Variants in ABCA12 observed in about 807,000 individuals in gnomAD.
The protein encoded by ABCA12 is glucosylceramide transporter ABCA12.
A neutral mutation model predicts 293.5 loss-of-function variants in ABCA12; 156 were observed. The observed-to-expected ratio is 0.53, with a 90% CI of 0.47 to 0.61. The LOEUF is 0.61. Among genes scored for constraint, ABCA12 ranks in the 20% least tolerant of loss-of-function variants. The pLI is 0.00. For synonymous variants in ABCA12, 1,063 were observed against 1,108.0 expected (o/e 0.96, Z 0.81); for missense variants, 2,797 against 3,090.2 (o/e 0.91, Z 2.25).
At chr2:215,056,716 T>TA (rs1311151718) in intron 3 of ABCA12, among the ~76,000 whole-genome samples, 1 of 152,048 alleles carries the variant, frequency 6.6e-6, no homozygotes, top group Non-Finnish European at 1.5e-5. Context: ...AGTATGTGCA[T>TA]AAAAAGATGA....
In ABCA12 at chr2:215,042,811, A is replaced by G. The variant is rs181412177; in HGVS notation, c.872+3026T>C. ...CAGTAAAATTTATTCCTCCTATCTA[A>G]TTGTAACTTTCTACCCCTTGATCAA... On this transcript the variant is annotated intron_variant, in intron 7 of 52. Coordinates refer to ENST00000272895, the MANE Select transcript of ABCA12 (RefSeq NM_173076.3). Among the ~76,000 whole-genome samples, 169 of 152,156 alleles carry G rather than the reference A, an allele frequency of 1.1e-3. 1 individual carries two copies. The highest frequency in any genetic ancestry group is 3.9e-3 in the African/African-American group (162 of 41,520).
intron 44 of ABCA12, among the ~76,000 whole-genome samples, chr2:214,952,040 T>C (rs966394305): frequency 2.0e-5 from 3 of 151,400 alleles, no homozygotes; most frequent in African/African-American, 7.3e-5. Context: ...CACCTTGATA[T>C]ATTGGCTAAC....
chr2:215,055,676 G>C (rs1701406301), intron 3 of ABCA12, among the ~76,000 whole-genome samples: 2 of 150,414 alleles, frequency 1.3e-5, no homozygotes, highest in Admixed American at 6.7e-5. Flanking sequence ...CTGAATCCTA[G>C]TTCCAGGGTA....
intron 38 of ABCA12, among the ~76,000 whole-genome samples, chr2:214,967,414 C>T (rs1356779007): frequency 6.6e-6 from 1 of 152,106 alleles, no homozygotes; most frequent in African/African-American, 2.4e-5. Flanking sequence ...TGACATTCCT[C>T]CACTAATTTT....
intron 6 of ABCA12, among the ~76,000 whole-genome samples, chr2:215,048,764 C>T (rs1559166271): frequency 2.0e-5 from 3 of 152,078 alleles, no homozygotes; most frequent in Admixed American, 6.6e-5. Flanking sequence ...AAATGCCCAT[C>T]AATGGCAGAT....
chr2:215,129,471 T>A (rs1703003570), intron 1 of ABCA12, among the ~76,000 whole-genome samples: 1 of 152,234 alleles, frequency 6.6e-6, no homozygotes. Flanking sequence ...TACATTTCTC[T>A]TATGATTCAT....
chr2:215,106,236 TCATAACAACTTGCATGGATCC>T (rs1415344806), intron 2 of ABCA12, among the ~76,000 whole-genome samples: 7 of 152,072 alleles, frequency 4.6e-5, no homozygotes, highest in Admixed American at 1.3e-4. Flanking sequence ...GGCGCTGGAG[TCATAACAACTTGCATGGATCC>T]CACAAACCAC....
chr2:215,038,162 G>C (rs899448647), intron 7 of ABCA12, among the ~76,000 whole-genome samples: 1 of 151,894 alleles, frequency 6.6e-6, no homozygotes, highest in African/African-American at 2.4e-5. Context: ...TATAAAATAA[G>C]GATATACATG....
chr2:215,096,673 C>T (rs1702255568), intron 2 of ABCA12, among the ~76,000 whole-genome samples: 1 of 152,126 alleles, frequency 6.6e-6, no homozygotes, highest in Non-Finnish European at 1.5e-5. Context: ...CATTAGAGTA[C>T]CCACTACTTT....
Position 214,978,862 on chromosome 2 carries a change from T to C in ABCA12, c.4919A>G (p.Asn1640Ser), listed in dbSNP as rs1358455923. The C allele has an allele frequency of 1.9e-6, 3 of 1,614,034 alleles. No individual in the cohort carries two copies. Among genetic ancestry groups the C allele is most frequent in the South Asian group, 1.1e-5 (1 of 91,076 alleles). The change falls in exon 32 of 53, where the codon AAT becomes AGT. Residue 1640 changes from asparagine (N) to serine (S), a missense_variant. Asn to Ser is a conservative substitution (Grantham distance 46). This residue lies in a region of ABCA12 where 2,130 missense variants were observed against 2,427.0 expected (regional missense o/e 0.88). Transcript: ENST00000272895. Reference protein sequence around the residue: ...AYLSLLRALDNGMGDLNIGCY... With the variant: ...AYLSLLRALDSGMGDLNIGCY... ...CCCGATGTTGAGGTCACCCATGCCA[T>C]TGTCGAGTGCCCGTAGGAGTGACAG...
At chr2:214,938,417 G>A (rs186327079) in intron 50 of ABCA12, among the ~76,000 whole-genome samples, 42 of 152,216 alleles carry the variant, frequency 2.8e-4, no homozygotes, top group Middle Eastern at 3.4e-3. Flanking sequence ...CAGTGCTGCA[G>A]TAAACATACA....
chr2:215,072,671 G>C (rs1187261508), intron 2 of ABCA12, among the ~76,000 whole-genome samples: 2 of 152,202 alleles, frequency 1.3e-5, no homozygotes, highest in Non-Finnish European at 2.9e-5. Flanking sequence ...AAAATGTTTT[G>C]ATTCAAGGCT....
At chr2:214,965,453 A>G (rs984722871) in intron 39 of ABCA12, among the ~76,000 whole-genome samples, 1 of 152,226 alleles carries the variant, frequency 6.6e-6, no homozygotes, top group African/African-American at 2.4e-5. Context: ...GACAACCTAC[A>G]GAATGGGAGA....
intron 39 of ABCA12, chr2:214,963,119 A>C (rs1197749921): frequency 6.6e-6 from 1 of 152,134 alleles, no homozygotes; most frequent in Non-Finnish European, 1.5e-5. Flanking sequence ...AAAAAAATCA[A>C]CGAATCCAGG....
In ABCA12 at chr2:214,978,929, A is replaced by G. The variant is rs771015402; in HGVS notation, c.4852T>C (p.Tyr1618His). 1.9e-6 allele frequency: 3 copies of G among 1,614,122 alleles called. No homozygotes were observed. The South Asian group carries it at 3.3e-5, about 18-fold the overall frequency. Reference sequence around the variant, plus strand: ...TTGGTGCTGAATGGAGGAAGTACATAAACAAGCTCTCCCCCAATATCCTCC... The same window carrying G: ...TTGGTGCTGAATGGAGGAAGTACATGAACAAGCTCTCCCCCAATATCCTCC... ...LKEDIGGELV[Y>H]VLPPFSTKVS... Residue 1618 changes from tyrosine to histidine, a missense_variant, in exon 32 of 53, where the codon TAT (tyrosine) becomes CAT (histidine). By Grantham distance (83) the Tyr-to-His change is moderately conservative (BLOSUM62 2). Coordinates refer to ENST00000272895, the MANE Select transcript of ABCA12 (RefSeq NM_173076.3).
Position 214,969,555 on chromosome 2 carries a change from CAGTT to C in ABCA12, c.5690+714_5690+717del, listed in dbSNP as rs369297998. Among the ~76,000 whole-genome samples, 344 of 152,084 alleles carry C rather than the reference CAGTT, an allele frequency of 2.3e-3. 5 individuals carry two copies. Among genetic ancestry groups the C allele is most frequent in the African/African-American group, 7.4e-3 (307 of 41,518 alleles). ...CTTTTTTCAAAGGCAGATTTTAAGA[CAGTT>C]GGTTTATAATAAAACCCATTTTGTT... is the stretch of plus-strand genomic sequence containing the variant. On this transcript the variant is annotated intron_variant, in intron 37 of 52. Coordinates refer to ENST00000272895, the MANE Select transcript of ABCA12 (RefSeq NM_173076.3).
chr2:214,968,647 C>T, intron 38 of ABCA12, 73 bp downstream of exon 38: 1 of 1,469,962 alleles, frequency 6.8e-7, no homozygotes, highest in South Asian at 1.1e-5. Context: ...GTTTTCACTT[C>T]ATGAAAATGA....
At chr2:214,970,155 C>T in intron 37 of ABCA12, 118 bp downstream of exon 37, 2 of 1,049,602 alleles carry the variant, frequency 1.9e-6, no homozygotes, top group Non-Finnish European at 2.7e-6. Flanking sequence ...TTAAATAAAA[C>T]TGAGAATTTA....
At chr2:214,940,242 T>A (rs1350042449) in intron 50 of ABCA12, among the ~76,000 whole-genome samples, 1 of 152,144 alleles carries the variant, frequency 6.6e-6, no homozygotes, top group Non-Finnish European at 1.5e-5. Context: ...TTGTCATTGG[T>A]TCTGTTTATG....
Sources: gnomAD v4.1 joint callset for allele counts (sites outside exome capture counted in the v4.1 genomes callset) on GRCh38, gnomAD v4.1.1 for gene constraint, gnomAD v4.1.1 regional missense constraint, MANE v1.5 for transcripts, NCBI Gene and HGNC (gene_info 2026-07-23, HGNC 2026-07-21) for gene names.